PRH1: variants seen among roughly 807,000 people sequenced by gnomAD.
The protein encoded by PRH1 is proline rich protein HaeIII subfamily 1, also known as salivary acidic proline-rich phosphoprotein 1/2.
PRH1 carries 7 observed loss-of-function variants against 7.9 expected under a neutral mutation model. The observed-to-expected ratio is 0.89, with a 90% CI of 0.50 to 1.67. PRH1 has a LOEUF of 1.67. Ranked by LOEUF, PRH1 falls within the 40% of genes most tolerant of loss-of-function variation. PRH1 has a pLI of 0.00. For missense variants in PRH1, 109 were observed against 223.6 expected, an observed-to-expected ratio of 0.49 and a Z score of 3.27; for synonymous variants, 45 against 80.8, an observed-to-expected ratio of 0.56 and a Z score of 2.38.
At chr12:11,027,421 G>A (rs1351716386) in intron 1 of PRH1, among the ~76,000 whole-genome samples, 1 of 151,564 alleles carries the variant, frequency 6.6e-6, no homozygotes, top group Non-Finnish European at 1.5e-5. Flanking sequence ...TACAGCATAG[G>A]TGATGTTTTA....
chr12:11,162,485 A>G lies in PRH1; in HGVS notation n.39+8937T>C, dbSNP rs192789626. Among the ~76,000 whole-genome samples the G allele has an allele frequency of 5.7e-4, 87 of 152,274 alleles. 2 individuals carry two copies. The highest frequency in any genetic ancestry group is 5.4e-3 in the Admixed American group (83 of 15,288). ...GAAGTGGTAAACAGAACTGTCTATC[A>G]CTCAGAAGCCCTGAACTTTAAGCTG... On this transcript the variant is annotated intron_variant and non_coding_transcript_variant, in intron 1 of 1. Coordinates refer to the PRH1 transcript ENST00000541175.
At chr12:11,137,989 G>A (rs1946603295) in intron 1 of PRH1, among the ~76,000 whole-genome samples, 1 of 150,904 alleles carries the variant, frequency 6.6e-6, no homozygotes, top group African/African-American at 2.4e-5. Context: ...TATTATTCCA[G>A]CATCAGGCCT....
chr12:11,031,362 T>A (rs1387697332), intron 1 of PRH1: 1 of 1,507,588 alleles, frequency 6.6e-7, no homozygotes, highest in Non-Finnish European at 8.9e-7. Context: ...AAAAATTGTT[T>A]TAATGCTGGT....
At chr12:11,046,673 A>T (rs1434818210) in intron 1 of PRH1, among the ~76,000 whole-genome samples, 2 of 151,954 alleles carry the variant, frequency 1.3e-5, no homozygotes, top group Non-Finnish European at 2.9e-5. Flanking sequence ...CTGTTTTTTT[A>T]AATATTTTAT....
chr12:10,887,525 C>CTTT (rs35193707), upstream of PRH1, among the ~76,000 whole-genome samples: 5 of 139,164 alleles, frequency 3.6e-5, no homozygotes, highest in Admixed American at 7.3e-5. Flanking sequence ...TAGCATATTT[C>CTTT]TTTTTTTTTT....
intron 1 of PRH1, among the ~76,000 whole-genome samples, chr12:11,011,702 A>T (rs767425309): frequency 5.9e-5 from 9 of 152,120 alleles, no homozygotes; most frequent in Non-Finnish European, 1.3e-4. Flanking sequence ...ATGTAGACAG[A>T]ATCCAAAGTT....
chr12:10,945,417 T>A (rs1477605051), intron 2 of PRH1, among the ~76,000 whole-genome samples: 1 of 152,078 alleles, frequency 6.6e-6, no homozygotes, highest in Non-Finnish European at 1.5e-5. Context: ...GGGGGAGACA[T>A]CACATGTTGG....
chr12:11,014,762 C>T (rs1472758348), intron 1 of PRH1, among the ~76,000 whole-genome samples: 1 of 152,252 alleles, frequency 6.6e-6, no homozygotes, highest in Middle Eastern at 3.4e-3. Flanking sequence ...GACCTGTAGC[C>T]ATTTCCCAGA....
intron 2 of PRH1, among the ~76,000 whole-genome samples, chr12:10,921,038 T>C (rs1302364545): frequency 6.6e-6 from 1 of 152,108 alleles, no homozygotes; most frequent in Non-Finnish European, 1.5e-5. Context: ...AGAATGAATC[T>C]TTTCATTTGT....
chr12:11,137,161 A>G (rs1417945829), intron 1 of PRH1, among the ~76,000 whole-genome samples: 2 of 152,200 alleles, frequency 1.3e-5, no homozygotes, highest in African/African-American at 4.8e-5. Context: ...ATGTCATTAC[A>G]ATTAATAAAA....
At chr12:10,952,396 C>G (rs1404748864) in intron 2 of PRH1, among the ~76,000 whole-genome samples, 2 of 152,202 alleles carry the variant, frequency 1.3e-5, no homozygotes, top group African/African-American at 4.8e-5. Context: ...CATCACGTCA[C>G]AGAAAGCTTT....
intron 1 of PRH1, among the ~76,000 whole-genome samples, chr12:11,016,393 CGGACTCGCATATT>C (rs1429042354): frequency 6.6e-6 from 1 of 152,222 alleles, no homozygotes; most frequent in Non-Finnish European, 1.5e-5. Context: ...CGGCCAGCAA[CGGACTCGCATATT>C]GGTTATAGGT....
At chr12:11,153,619 C>A (rs1234860179) in intron 1 of PRH1, among the ~76,000 whole-genome samples, 1 of 152,098 alleles carries the variant, frequency 6.6e-6, no homozygotes, top group Non-Finnish European at 1.5e-5. Flanking sequence ...TAATGAGTTA[C>A]CTTGAGCTGT....
chr12:10,914,999 G>C (rs1351871368), intron 2 of PRH1, among the ~76,000 whole-genome samples: 1 of 152,146 alleles, frequency 6.6e-6, no homozygotes, highest in Non-Finnish European at 1.5e-5. Context: ...ATGGTGGCGG[G>C]CACCTGTAGT....
chr12:10,979,054 T>C (rs939550226), intron 1 of PRH1, among the ~76,000 whole-genome samples: 21 of 152,144 alleles, frequency 1.4e-4, no homozygotes, highest in Non-Finnish European at 2.8e-4. Flanking sequence ...AAACATTAAA[T>C]ACATATGGAC....
At chr12:11,103,695 A>C (rs1945324853) in intron 1 of PRH1, among the ~76,000 whole-genome samples, 2 of 152,076 alleles carry the variant, frequency 1.3e-5, no homozygotes, top group South Asian at 4.1e-4. Context: ...AATAAAAATA[A>C]ATAAATAAAT....
At chr12:11,036,018 G>A (rs546522662) in intron 1 of PRH1, among the ~76,000 whole-genome samples, 1 of 151,900 alleles carries the variant, frequency 6.6e-6, no homozygotes, top group Non-Finnish European at 1.5e-5. Context: ...CTCAGCCTCC[G>A]GAGTAGCTGG....
intron 1 of PRH1, chr12:11,158,923 C>T (rs1457640012): frequency 2.6e-5 from 4 of 152,046 alleles, no homozygotes; most frequent in Admixed American, 2.6e-4. Flanking sequence ...TAATAAACGT[C>T]ATGACCTGAT....
At chr12:10,922,770 G>GCATT (rs1950064454) in intron 2 of PRH1, among the ~76,000 whole-genome samples, 1 of 150,884 alleles carries the variant, frequency 6.6e-6, no homozygotes, top group Non-Finnish European at 1.5e-5. Flanking sequence ...TTTACGTAAT[G>GCATT]CATTGTTAGG....
Sources: gnomAD v4.1 joint callset for allele counts (sites outside exome capture counted in the v4.1 genomes callset) on GRCh38, gnomAD v4.1.1 for gene constraint, MANE v1.5 for transcripts, NCBI Gene and HGNC (gene_info 2026-07-23, HGNC 2026-07-21) for gene names.